The following L3MBTL4 variants were observed in gnomAD, a reference collection of about 807,000 sequenced individuals.
The protein encoded by L3MBTL4 is L3MBTL histone methyl-lysine binding protein 4.
L3MBTL4 carries 70 observed loss-of-function variants against 84.5 expected under a neutral mutation model. That is an observed-to-expected ratio of 0.83 (90% CI 0.68 to 1.01). L3MBTL4 has a LOEUF of 1.01. Among genes scored for constraint, L3MBTL4 ranks in the 50% least tolerant of loss-of-function variants. The probability of loss-of-function intolerance (pLI) is 0.00; values close to 1 mark genes in which losing one functional copy is unlikely to be tolerated. For missense variants in L3MBTL4, 715 were observed against 754.8 expected (o/e 0.95, Z 0.62); for synonymous variants, 274 against 259.8 (o/e 1.05, Z -0.52).
chr18:6,311,870 T>C, intron 2 of L3MBTL4, 128 bp downstream of exon 2: 1 of 377,726 alleles, frequency 2.6e-6, no homozygotes, highest in Non-Finnish European at 4.9e-6. Context: ...TCATCTAGAA[T>C]TTATATCATG....
At chr18:6,248,306 T>G (rs2047772623) in intron 5 of L3MBTL4, among the ~76,000 whole-genome samples, 5 of 152,178 alleles carry the variant, frequency 3.3e-5, no homozygotes. Flanking sequence ...CCCTCCCTCC[T>G]GTGTCATCCA....
intron 16 of L3MBTL4, among the ~76,000 whole-genome samples, chr18:5,980,023 C>T (rs937136750): frequency 6.6e-6 from 1 of 152,232 alleles, no homozygotes; most frequent in Non-Finnish European, 1.5e-5. Flanking sequence ...CTGCTGCTCA[C>T]CCTGCTTGTC....
chr18:6,392,614 C>G (rs1568597688), intron 1 of L3MBTL4, among the ~76,000 whole-genome samples: 1 of 152,074 alleles, frequency 6.6e-6, no homozygotes, highest in Non-Finnish European at 1.5e-5. Context: ...AAACTGGATC[C>G]CTAATTCTCA....
intron 4 of L3MBTL4, among the ~76,000 whole-genome samples, chr18:6,290,674 T>C (rs1167265600): frequency 5.9e-5 from 9 of 152,022 alleles, no homozygotes; most frequent in Non-Finnish European, 1.0e-4. Context: ...ACTACAGGCA[T>C]ACACCACCAT....
intron 12 of L3MBTL4, among the ~76,000 whole-genome samples, chr18:6,206,918 C>A (rs1321611704): frequency 6.6e-6 from 1 of 152,070 alleles, no homozygotes; most frequent in Non-Finnish European, 1.5e-5. Context: ...GGATACAAAA[C>A]TATTTATACT....
chr18:6,036,821 T>C (rs1363732879), intron 16 of L3MBTL4, among the ~76,000 whole-genome samples: 1 of 152,212 alleles, frequency 6.6e-6, no homozygotes, highest in East Asian at 1.9e-4. Context: ...TGCCAAGGAT[T>C]AGCCTGAGGT....
At position 6,239,759 on chromosome 18, in the gene L3MBTL4, T is replaced by C. The variant is rs749121368; in HGVS notation, c.666A>G (p.Leu222=). The C allele has an allele frequency of 1.9e-6, 3 of 1,614,162 alleles. No homozygotes were observed. The South Asian group carries it at 3.3e-5, about 18-fold the overall frequency. The part of the protein sequence containing the change: ...ATIADIVEDR[L]LVHFDNWDDS... The stretch of plus-strand genomic sequence containing the variant: ...CATCCCAGTTGTCAAAATGCACTAG[T>C]AAGCGATCTTCAACAATATCTGCTA... The change falls in exon 9 of 19, where the codon TTA becomes TTG. Residue 222 remains leucine (L), a synonymous_variant. Transcript: ENST00000317931.
At chr18:5,997,676 T>C (rs2054036407) in intron 16 of L3MBTL4, among the ~76,000 whole-genome samples, 3 of 152,096 alleles carry the variant, frequency 2.0e-5, no homozygotes, top group Non-Finnish European at 4.4e-5. Flanking sequence ...CTGATTGATG[T>C]CTCATGTCTC....
chr18:6,079,707 C>A (rs1472812081), intron 16 of L3MBTL4, among the ~76,000 whole-genome samples: 1 of 152,192 alleles, frequency 6.6e-6, no homozygotes, highest in African/African-American at 2.4e-5. Context: ...ACAACACTGG[C>A]ACTTTTTTTT....
chr18:6,235,607 C>T (rs2047186234), intron 10 of L3MBTL4, among the ~76,000 whole-genome samples: 1 of 152,266 alleles, frequency 6.6e-6, no homozygotes, highest in Non-Finnish European at 1.5e-5. Flanking sequence ...TGATTCCTTT[C>T]ATGTAATATA....
intron 4 of L3MBTL4, among the ~76,000 whole-genome samples, chr18:6,283,270 T>G (rs933905508): frequency 6.6e-6 from 1 of 152,180 alleles, no homozygotes; most frequent in African/African-American, 2.4e-5. Context: ...AAAATCTATT[T>G]TCACTTAAAG....
chr18:6,272,087 G>C (rs1018670878), intron 4 of L3MBTL4, among the ~76,000 whole-genome samples: 4 of 152,244 alleles, frequency 2.6e-5, no homozygotes, highest in Admixed American at 2.0e-4. Flanking sequence ...CGTATCAGGA[G>C]ACGGGACGTC....
chr18:6,133,046 T>A (rs938724431), intron 14 of L3MBTL4, among the ~76,000 whole-genome samples: 22 of 152,118 alleles, frequency 1.4e-4, no homozygotes, highest in Non-Finnish European at 7.4e-5. Context: ...TGTGACGAAC[T>A]TTGACGATAA....
In L3MBTL4 at chr18:6,026,180, A is replaced by G. The variant is rs551240252; in HGVS notation, c.1444+54701T>C. On this transcript the variant is annotated intron_variant, in intron 16 of 18. Coordinates refer to ENST00000317931, the MANE Select transcript of L3MBTL4 (RefSeq NM_001330559.2). Reference sequence around the variant, plus strand: ...AAATATAAAAATAGGACATCATAACAAAGTATGGTTAGAACAAAAGACAAA... The same window carrying G: ...AAATATAAAAATAGGACATCATAACGAAGTATGGTTAGAACAAAAGACAAA... Among the ~76,000 whole-genome samples, 3 of 152,354 alleles carry G rather than the reference A, an allele frequency of 2.0e-5. No individual in the cohort carries two copies. In the South Asian group the frequency reaches 6.2e-4, roughly 32 times the overall value.
chr18:6,308,852 GATAA>G (rs1393570060), intron 3 of L3MBTL4, among the ~76,000 whole-genome samples: 1 of 152,130 alleles, frequency 6.6e-6, no homozygotes, highest in Non-Finnish European at 1.5e-5. Context: ...GGATACGGTG[GATAA>G]TTTAATTCTT....
chr18:6,172,475 G>A (rs1169374963), intron 12 of L3MBTL4, among the ~76,000 whole-genome samples: 1 of 152,128 alleles, frequency 6.6e-6, no homozygotes, highest in Non-Finnish European at 1.5e-5. Context: ...ATGCTAGGGG[G>A]TAGGTAGATA....
intron 5 of L3MBTL4, among the ~76,000 whole-genome samples, chr18:6,248,411 A>G (rs2047777891): frequency 6.6e-6 from 1 of 152,316 alleles, no homozygotes; most frequent in Admixed American, 6.5e-5. Context: ...TTTGAAATAC[A>G]ATTGAGTTCA....
At chr18:6,196,409 G>A (rs1326592230) in intron 12 of L3MBTL4, among the ~76,000 whole-genome samples, 1 of 152,052 alleles carries the variant, frequency 6.6e-6, no homozygotes, top group Non-Finnish European at 1.5e-5. Context: ...TGCCCACCCT[G>A]GCCTCCCAAA....
chr18:6,307,986 C>T (rs563067907), intron 3 of L3MBTL4, among the ~76,000 whole-genome samples: 16 of 152,022 alleles, frequency 1.1e-4, no homozygotes, highest in South Asian at 2.1e-4. Flanking sequence ...GGGTTTTGTG[C>T]GCAGAACGCT....
Sources: gnomAD v4.1 joint callset for allele counts (sites outside exome capture counted in the v4.1 genomes callset) on GRCh38, gnomAD v4.1.1 for gene constraint, MANE v1.5 for transcripts, NCBI Gene and HGNC (gene_info 2026-07-23, HGNC 2026-07-21) for gene names.